Variants in CHSY3 observed in about 807,000 individuals in gnomAD.
CHSY3 encodes the protein chondroitin sulfate synthase 3.
Under a neutral mutation model 67.2 loss-of-function variants are expected in CHSY3, and 35 were observed. The ratio of observed to expected loss-of-function variants is 0.52; its 90% CI spans 0.40 to 0.69. CHSY3 has a LOEUF of 0.69. Ranked by LOEUF, CHSY3 falls within the 30% of genes least tolerant of loss-of-function variation. The pLI, the probability that CHSY3 is intolerant of heterozygous loss-of-function variation, is 0.00. For missense variants in CHSY3, 1,069 were observed against 1,138.5 expected (o/e 0.94, Z 0.88); for synonymous variants, 474 against 434.7 (o/e 1.09, Z -1.12).
intron 2 of CHSY3, among the ~76,000 whole-genome samples, chr5:130,147,770 A>G (rs1487786975): frequency 3.3e-5 from 5 of 152,158 alleles, no homozygotes; most frequent in Non-Finnish European, 7.4e-5. Context: ...GAGTAGGGGA[A>G]TGAGAGCGAG....
intron 2 of CHSY3, among the ~76,000 whole-genome samples, chr5:130,055,167 C>A (rs1174942134): frequency 4.0e-5 from 6 of 151,864 alleles, no homozygotes; most frequent in African/African-American, 2.4e-5. Context: ...CATCTTGAGG[C>A]AATTCTGAGT....
chr5:129,958,635 A>T (rs529753441), intron 2 of CHSY3, among the ~76,000 whole-genome samples: 3 of 152,110 alleles, frequency 2.0e-5, no homozygotes, highest in African/African-American at 7.2e-5. Flanking sequence ...AGTTCAAGCA[A>T]TCTTCCTACC....
intron 2 of CHSY3, among the ~76,000 whole-genome samples, chr5:130,059,097 A>G (rs1480005357): frequency 6.6e-6 from 1 of 152,178 alleles, no homozygotes; most frequent in Non-Finnish European, 1.5e-5. Flanking sequence ...TTTATGAGAA[A>G]GCAGATTATC....
intron 2 of CHSY3, among the ~76,000 whole-genome samples, chr5:129,972,619 ATG>A (rs1355117595): frequency 6.6e-6 from 1 of 151,078 alleles, no homozygotes; most frequent in East Asian, 2.0e-4. Flanking sequence ...GTGTGTGTGT[ATG>A]TGTGTGTGGT....
intron 2 of CHSY3, among the ~76,000 whole-genome samples, chr5:130,109,542 A>C (rs1192854908): frequency 1.3e-5 from 2 of 151,774 alleles, no homozygotes; most frequent in Non-Finnish European, 3.0e-5. Flanking sequence ...AAAACACACA[A>C]TTGTTAGGCT....
intron 2 of CHSY3, among the ~76,000 whole-genome samples, chr5:130,178,233 A>ATT (rs1561571832): frequency 2.2e-4 from 13 of 58,842 alleles, no homozygotes; most frequent in African/African-American, 8.3e-4. Context: ...ATATTTATAT[A>ATT]TATATATATA....
intron 1 of CHSY3, among the ~76,000 whole-genome samples, chr5:129,907,730 T>G (rs1395105435): frequency 6.6e-6 from 1 of 152,144 alleles, no homozygotes; most frequent in African/African-American, 2.4e-5. Flanking sequence ...GTATTTAATA[T>G]TATTTTATAT....
chr5:130,060,996 A>G (rs2149676428), intron 2 of CHSY3, among the ~76,000 whole-genome samples: 1 of 152,306 alleles, frequency 6.6e-6, no homozygotes, highest in East Asian at 1.9e-4. Context: ...TGCCTAAAGC[A>G]ATCTATAGAC....
chr5:130,040,295 A>C (rs1400332603), intron 2 of CHSY3, among the ~76,000 whole-genome samples: 1 of 152,142 alleles, frequency 6.6e-6, no homozygotes, highest in Non-Finnish European at 1.5e-5. Context: ...CCACGTGAAG[A>C]CAAATCACAG....
chr5:129,928,439 CT>C (rs1284021038), intron 2 of CHSY3, among the ~76,000 whole-genome samples: 2 of 151,760 alleles, frequency 1.3e-5, no homozygotes, highest in South Asian at 2.1e-4. Context: ...AGCTTTGTTT[CT>C]TTTGGATGCT....
intron 2 of CHSY3, among the ~76,000 whole-genome samples, chr5:130,107,127 T>C (rs1161035333): frequency 6.6e-6 from 1 of 151,306 alleles, no homozygotes; most frequent in African/African-American, 2.4e-5. Flanking sequence ...TGATAATAAT[T>C]GCTTCAGTTA....
chr5:130,099,495 G>A (rs1280926359), intron 2 of CHSY3, among the ~76,000 whole-genome samples: 1 of 152,178 alleles, frequency 6.6e-6, no homozygotes, highest in African/African-American at 2.4e-5. Flanking sequence ...ACAATGAGAT[G>A]GGAATATCCC....
chr5:130,086,606 A>G, intron 2 of CHSY3, among the ~76,000 whole-genome samples: 1 of 152,166 alleles, frequency 6.6e-6, no homozygotes, highest in African/African-American at 2.4e-5. Context: ...CAAATAAACT[A>G]GAAAATCTAG....
chr5:129,972,125 A>G (rs1344342643), intron 2 of CHSY3, among the ~76,000 whole-genome samples: 1 of 152,110 alleles, frequency 6.6e-6, no homozygotes, highest in Non-Finnish European at 1.5e-5. Flanking sequence ...AGGTAACTTG[A>G]ACAAAAAGAA....
At chr5:130,007,134 T>C (rs983278424) in intron 2 of CHSY3, among the ~76,000 whole-genome samples, 2 of 152,236 alleles carry the variant, frequency 1.3e-5, no homozygotes, top group African/African-American at 4.8e-5. Context: ...ACCATGTTGT[T>C]ATGTGTTGGT....
chr5:129,929,060 A>G (rs1761210368), intron 2 of CHSY3, among the ~76,000 whole-genome samples: 1 of 152,162 alleles, frequency 6.6e-6, no homozygotes, highest in Non-Finnish European at 1.5e-5. Flanking sequence ...TTTCATTTTT[A>G]TTTTAAAACT....
chr5:130,168,063 T>C (rs969030074), intron 2 of CHSY3, among the ~76,000 whole-genome samples: 15 of 152,138 alleles, frequency 9.9e-5, no homozygotes, highest in South Asian at 2.1e-4. Context: ...GGTTCTTTTT[T>C]CTTTCCTTTA....
chr5:130,139,020 T>C (rs1768767588), intron 2 of CHSY3, among the ~76,000 whole-genome samples: 1 of 152,192 alleles, frequency 6.6e-6, no homozygotes, highest in South Asian at 2.1e-4. Context: ...TATAGCCTAT[T>C]GCTCCTAGGG....
intron 2 of CHSY3, among the ~76,000 whole-genome samples, chr5:130,002,965 T>C (rs1249338407): frequency 6.6e-6 from 1 of 152,186 alleles, no homozygotes; most frequent in Non-Finnish European, 1.5e-5. Context: ...GTTTGTGTTT[T>C]AAAAACATTT....
Sources: gnomAD v4.1 joint callset for allele counts (sites outside exome capture counted in the v4.1 genomes callset) on GRCh38, gnomAD v4.1.1 for gene constraint, MANE v1.5 for transcripts, NCBI Gene and HGNC (gene_info 2026-07-23, HGNC 2026-07-21) for gene names.